Variants in PHLDB2 observed in about 807,000 individuals in gnomAD.
The protein encoded by PHLDB2 is pleckstrin homology-like domain family B member 2.
Under a neutral mutation model 123.6 loss-of-function variants are expected in PHLDB2, and 71 were observed. The observed-to-expected ratio is 0.57, with a 90% CI of 0.47 to 0.70. The LOEUF is 0.70. PHLDB2 is among the 30% of genes least tolerant of loss of function. PHLDB2 has a pLI of 0.00. For synonymous variants in PHLDB2, 547 were observed against 541.6 expected, an observed-to-expected ratio of 1.01 and a Z score of -0.14; for missense variants, 1,446 against 1,519.5, an observed-to-expected ratio of 0.95 and a Z score of 0.80.
chr3:111,805,249 A>C (rs1389264912), intron 1 of PHLDB2, among the ~76,000 whole-genome samples: 1 of 152,158 alleles, frequency 6.6e-6, no homozygotes, highest in African/African-American at 2.4e-5. Flanking sequence ...ATACAAGCTA[A>C]TACTACTCAA....
At chr3:111,866,183 T>A (rs1215947927) in intron 1 of PHLDB2, among the ~76,000 whole-genome samples, 1 of 151,896 alleles carries the variant, frequency 6.6e-6, no homozygotes, top group African/African-American at 2.4e-5. Flanking sequence ...CACACCCAGC[T>A]AATTTCTGTA....
chr3:111,822,678 A>C (rs2062458740), intron 1 of PHLDB2, among the ~76,000 whole-genome samples: 1 of 152,186 alleles, frequency 6.6e-6, no homozygotes, highest in African/African-American at 2.4e-5. Context: ...CAGAAGATAA[A>C]GCCTGACGTC....
intron 9 of PHLDB2, among the ~76,000 whole-genome samples, chr3:111,945,697 T>G (rs1033304215): frequency 1.5e-4 from 23 of 152,148 alleles, no homozygotes; most frequent in Non-Finnish European, 2.1e-4. Context: ...TTTTCCTTCC[T>G]GAGTCTCCTT....
chr3:111,775,996 A>C (rs1398561829), intron 1 of PHLDB2, among the ~76,000 whole-genome samples: 1 of 152,166 alleles, frequency 6.6e-6, no homozygotes, highest in Non-Finnish European at 1.5e-5. Flanking sequence ...TTTCAGAGAT[A>C]TTGACCTCCT....
rs146777195 is a variant in PHLDB2 at position 111,853,779 on chromosome 3, G to A, written c.67+7844G>A. On this transcript the variant is annotated intron_variant, in intron 2 of 17. Transcript: ENST00000393923. ...AATCCCAGCTACTCCAGAGGCTGAA[G>A]CAGGAGAATCGCTTAAACCCAGTAG... 2.3e-3 allele frequency among the ~76,000 whole-genome samples: 349 copies of A among 152,136 alleles called. 1 individual carries two copies. The highest frequency in any genetic ancestry group is 7.0e-3 in the African/African-American group (291 of 41,500).
chr3:111,950,493 A>C (rs1416277999), intron 10 of PHLDB2, among the ~76,000 whole-genome samples: 4 of 152,204 alleles, frequency 2.6e-5, no homozygotes, highest in Non-Finnish European at 4.4e-5. Context: ...CAAATAGTGC[A>C]TTTGGTCCAT....
intron 1 of PHLDB2, among the ~76,000 whole-genome samples, chr3:111,817,241 T>G (rs6438018): frequency 8.5e-4 from 130 of 152,086 alleles, no homozygotes; most frequent in Non-Finnish European, 1.3e-3. Flanking sequence ...CCTCTCACTA[T>G]GCCCCACCTC....
chr3:111,859,741 A>T (rs1343457905), intron 1 of PHLDB2, 165 bp downstream of exon 1: 1 of 981,356 alleles, frequency 1.0e-6, no homozygotes, highest in Non-Finnish European at 1.2e-6. Flanking sequence ...CGGGCCGAGG[A>T]GGGGCGCGCT....
intron 1 of PHLDB2, among the ~76,000 whole-genome samples, chr3:111,773,061 T>C (rs995643844): frequency 2.6e-5 from 4 of 152,296 alleles, no homozygotes; most frequent in African/African-American, 9.6e-5. Flanking sequence ...AACAGATAGG[T>C]AAGAAGTTTT....
chr3:111,789,511 G>A (rs2060825980), intron 1 of PHLDB2, among the ~76,000 whole-genome samples: 1 of 152,156 alleles, frequency 6.6e-6, no homozygotes, highest in Non-Finnish European at 1.5e-5. Flanking sequence ...ATATACATGG[G>A]AAGCCATGTA....
At chr3:111,843,571 TGGTA>T (rs897821476) in intron 1 of PHLDB2, among the ~76,000 whole-genome samples, 5 of 152,210 alleles carry the variant, frequency 3.3e-5, no homozygotes, top group Non-Finnish European at 7.3e-5. Flanking sequence ...TTAAAATCTT[TGGTA>T]CAGACAGGAT....
chr3:111,886,150 A>T (rs944510429), intron 2 of PHLDB2, among the ~76,000 whole-genome samples: 1 of 152,242 alleles, frequency 6.6e-6, no homozygotes, highest in Non-Finnish European at 1.5e-5. Flanking sequence ...CTTAGAATGA[A>T]TATCTGTGAG....
chr3:111,806,473 T>C (rs1445304505), intron 1 of PHLDB2, among the ~76,000 whole-genome samples: 1 of 151,976 alleles, frequency 6.6e-6, no homozygotes, highest in African/African-American at 2.4e-5. Context: ...ATCTTTTCTT[T>C]TTTTTTCTTC....
At chr3:111,973,711 A>C (rs2072368759) in intron 16 of PHLDB2, 21 bp from the exon 17 acceptor site, 2 of 1,447,002 alleles carry the variant, frequency 1.4e-6, no homozygotes, top group Admixed American at 3.5e-5. Flanking sequence ...TAAAGTATTT[A>C]ACACTTATCT....
intron 1 of PHLDB2, among the ~76,000 whole-genome samples, chr3:111,831,054 AAG>A (rs1255609013): frequency 6.8e-6 from 1 of 147,182 alleles, no homozygotes; most frequent in African/African-American, 2.5e-5. Context: ...AGAAAGAGAA[AAG>A]AGAGAGATAG....
chr3:111,759,149 C>G (rs1386104352), intron 1 of PHLDB2, among the ~76,000 whole-genome samples: 1 of 150,320 alleles, frequency 6.7e-6, no homozygotes, highest in African/African-American at 2.5e-5. Flanking sequence ...TTGTCTTAGT[C>G]CACTCAGGCT....
Position 111,884,669 on chromosome 3 carries a change from G to A in PHLDB2, c.592G>A (p.Ala198Thr), listed in dbSNP as rs767989318. The A allele has an allele frequency of 1.6e-5, 26 of 1,614,150 alleles. No homozygotes were observed. The South Asian group carries it at 2.7e-4, about 17-fold the overall frequency. The stretch of plus-strand genomic sequence containing the variant: ...CCCGCCTCCTATCAGCAGATCGGGA[G>A]CCGCAAGCATGCCTTCAAGCCCAAA... Reference protein sequence around the residue: ...AGPPPISRSGAASMPSSPKQA... With the variant: ...AGPPPISRSGTASMPSSPKQA... The change falls in exon 2 of 18, where the codon GCC becomes ACC. Residue 198 changes from alanine (A) to threonine (T), a missense_variant. By Grantham distance (58) the Ala-to-Thr change is moderately conservative. Around this residue, in one of 3 missense-constraint regions of PHLDB2, gnomAD observed 832 missense variants for 831.9 expected, o/e 1.00. Coordinates refer to ENST00000431670, the MANE Select transcript of PHLDB2 (RefSeq NM_001134438.2).
intron 2 of PHLDB2, among the ~76,000 whole-genome samples, chr3:111,890,435 T>A (rs540890846): frequency 1.3e-5 from 2 of 152,348 alleles, no homozygotes; most frequent in East Asian, 3.9e-4. Context: ...TGCAATTTAA[T>A]TGACTGGATA....
At chr3:111,733,488 C>A (rs1021209434) in intron 1 of PHLDB2, among the ~76,000 whole-genome samples, 45 of 152,108 alleles carry the variant, frequency 3.0e-4, no homozygotes, top group Admixed American at 2.6e-3. Flanking sequence ...ATCCCAAGAC[C>A]CCCCTTCCCC....
Sources: gnomAD v4.1 joint callset for allele counts (sites outside exome capture counted in the v4.1 genomes callset) on GRCh38, gnomAD v4.1.1 for gene constraint, gnomAD v4.1.1 regional missense constraint, MANE v1.5 for transcripts, NCBI Gene and HGNC (gene_info 2026-07-23, HGNC 2026-07-21) for gene names.